Variants in CDH4 observed in about 807,000 individuals in gnomAD.
The protein encoded by CDH4 is cadherin 4.
A neutral mutation model predicts 86.0 loss-of-function variants in CDH4; 33 were observed. The observed-to-expected ratio is 0.38, with a 90% CI of 0.29 to 0.51. The LOEUF (loss-of-function observed/expected upper bound fraction) is 0.51, where lower values mean the gene tolerates loss of function less well. CDH4 is among the 20% of genes least tolerant of loss of function. The pLI, the probability that CDH4 is intolerant of heterozygous loss-of-function variation, is 0.86. For synonymous variants in CDH4, 555 were observed against 549.4 expected (o/e 1.01, Z -0.14); for missense variants, 1,114 against 1,307.4 (o/e 0.85, Z 2.28).
intron 4 of CDH4, among the ~76,000 whole-genome samples, chr20:61,827,113 C>T (rs183353403): frequency 5.3e-5 from 8 of 152,026 alleles, no homozygotes; most frequent in Admixed American, 2.6e-4. Context: ...AGCTGAACGT[C>T]TCAGAATAGA....
intron 2 of CDH4, among the ~76,000 whole-genome samples, chr20:61,427,830 G>A (rs1220602364): frequency 6.6e-6 from 1 of 152,042 alleles, no homozygotes; most frequent in Non-Finnish European, 1.5e-5. Flanking sequence ...GTTACCATAT[G>A]GTAGAGTGGC....
intron 2 of CDH4, among the ~76,000 whole-genome samples, chr20:61,520,935 T>TGCGGGGGTGCAGCTCC (rs1345639009): frequency 2.1e-4 from 32 of 152,176 alleles, no homozygotes; most frequent in Non-Finnish European, 3.5e-4. Flanking sequence ...AGTGCAGCTC[T>TGCGGGGGTGCAGCTCC]GCGGGGGTGC....
intron 2 of CDH4, among the ~76,000 whole-genome samples, chr20:61,707,815 G>A (rs1416516857): frequency 2.6e-5 from 4 of 152,182 alleles, no homozygotes; most frequent in Admixed American, 2.0e-4. Flanking sequence ...GTTCATGATC[G>A]TGAGACTCTG....
intron 2 of CDH4, among the ~76,000 whole-genome samples, chr20:61,261,998 C>T (rs769709355): frequency 7.9e-5 from 12 of 152,186 alleles, no homozygotes; most frequent in Non-Finnish European, 1.5e-5. Context: ...TAGACTCTGC[C>T]AGCGCTGGGG....
At chr20:61,795,020 G>T (rs1979447775) in intron 4 of CDH4, among the ~76,000 whole-genome samples, 1 of 149,736 alleles carries the variant, frequency 6.7e-6, no homozygotes, top group South Asian at 2.2e-4. Context: ...TGGTGATAAA[G>T]GTGGGAGTGG....
At chr20:61,923,385 G>T in intron 9 of CDH4, 66 bp from the exon 10 acceptor site, 1 of 1,545,098 alleles carries the variant, frequency 6.5e-7, no homozygotes, top group Non-Finnish European at 8.9e-7. Flanking sequence ...CTTCCCATGT[G>T]TCCCCCCATG....
rs1350223154 is a variant in CDH4 at position 61,938,497 on chromosome 20, G to C, written c.*1554G>C. 3 of 152,422 alleles carry C rather than the reference G, an allele frequency of 2.0e-5. No individual in the cohort carries two copies. Among genetic ancestry groups the C allele is most frequent in the Non-Finnish European group, 4.4e-5 (3 of 68,170 alleles). The allele number at this position is 152,422 out of a possible 1,614,324, so 9.4% of individuals were successfully genotyped here. A position where few individuals can be genotyped will look rare whatever the true frequency, so the allele number is the denominator to read the frequency against. The stretch of plus-strand genomic sequence containing the variant: ...GTCTCTCCCAGGCCAGTGACAACTG[G>C]CTTCCCGAGGAAGGAGGTGAGGTAC... On this transcript the variant is annotated 3_prime_UTR_variant, in exon 16 of 16. Transcript: ENST00000614565.
chr20:61,700,908 C>T (rs577801979), intron 2 of CDH4, among the ~76,000 whole-genome samples: 6 of 152,226 alleles, frequency 3.9e-5, no homozygotes, highest in Non-Finnish European at 7.3e-5. Context: ...GCGGCTCCCC[C>T]CTTTTTTGCA....
intron 2 of CDH4, among the ~76,000 whole-genome samples, chr20:61,413,570 C>T (rs1251052409): frequency 2.0e-5 from 3 of 152,316 alleles, no homozygotes; most frequent in Admixed American, 6.5e-5. Flanking sequence ...AACACACCCC[C>T]GCACAACTGC....
At chr20:61,441,153 T>A (rs6062037) in intron 2 of CDH4, among the ~76,000 whole-genome samples, 25,539 of 152,198 alleles carry the variant, frequency 0.17, 2,238 homozygotes, top group Non-Finnish European at 0.18. Flanking sequence ...ACGCAGAATC[T>A]CAGACTTGAA....
At chr20:61,613,010 G>A (rs759414574) in intron 2 of CDH4, among the ~76,000 whole-genome samples, 9 of 152,162 alleles carry the variant, frequency 5.9e-5, no homozygotes, top group East Asian at 1.9e-4. Context: ...CAGGAGGGCC[G>A]ATAAAGGTGT....
Position 61,690,595 on chromosome 20 carries a change from G to A in CDH4, c.170-52968G>A, listed in dbSNP as rs139204106. On this transcript the variant is annotated intron_variant, in intron 2 of 15. Transcript: ENST00000614565. The stretch of plus-strand genomic sequence containing the variant: ...TGGAGCAGGTCTGCTGCATGTCTCT[G>A]TTCCTGTTCGGAGTGCTCTGAGCGT... 9.2e-4 allele frequency among the ~76,000 whole-genome samples: 140 copies of A among 152,276 alleles called. 1 individual carries two copies. Among genetic ancestry groups the A allele is most frequent in the Middle Eastern group, 6.8e-3 (2 of 294 alleles).
chr20:61,863,143 G>A (rs939781480), intron 6 of CDH4, among the ~76,000 whole-genome samples: 10 of 152,180 alleles, frequency 6.6e-5, no homozygotes, highest in African/African-American at 1.9e-4. Context: ...CCTTTAAGGC[G>A]CATGGCAGCG....
intron 2 of CDH4, among the ~76,000 whole-genome samples, chr20:61,502,786 T>G (rs745900343): frequency 2.6e-5 from 4 of 152,228 alleles, no homozygotes; most frequent in Non-Finnish European, 5.9e-5. Flanking sequence ...CAGAACTAGC[T>G]TATTGCATAA....
At chr20:61,583,311 TG>T (rs531773443) in intron 2 of CDH4, among the ~76,000 whole-genome samples, 67 of 44,004 alleles carry the variant, frequency 1.5e-3, no homozygotes, top group African/African-American at 5.8e-3. Context: ...GAGGGCTCTG[TG>T]GGGGGACAGA....
chr20:61,734,167 G>A (rs377101893), intron 2 of CDH4, among the ~76,000 whole-genome samples: 8 of 152,360 alleles, frequency 5.3e-5, no homozygotes, highest in African/African-American at 1.2e-4. Flanking sequence ...CACTGCACCC[G>A]TCACTGCCGT....
At position 61,565,261 on chromosome 20, in the gene CDH4, T is replaced by C. The variant is rs1322088931; in HGVS notation, c.170-178302T>C. On this transcript the variant is annotated intron_variant, in intron 2 of 15. Coordinates refer to ENST00000614565, the MANE Select transcript of CDH4 (RefSeq NM_001794.5). Reference sequence around the variant, plus strand: ...GTGGTGGCGGTGCTCTTGGTGATGGTGGTGGTGGTCCTCTTGGTGATGGGG... The same window carrying C: ...GTGGTGGCGGTGCTCTTGGTGATGGCGGTGGTGGTCCTCTTGGTGATGGGG... Among the ~76,000 whole-genome samples, 276 of 80,386 alleles carry C rather than the reference T, an allele frequency of 3.4e-3. 30 individuals carry two copies. The highest frequency in any genetic ancestry group is 5.1e-3 in the Non-Finnish European group (187 of 36,660). 52.7% of individuals were successfully genotyped at this position (80,386 alleles called of 152,430 possible). A position where few individuals can be genotyped will look rare whatever the true frequency, so the allele number is the denominator to read the frequency against.
At chr20:61,614,979 C>T (rs1260736493) in intron 2 of CDH4, among the ~76,000 whole-genome samples, 1 of 152,114 alleles carries the variant, frequency 6.6e-6, no homozygotes, top group African/African-American at 2.4e-5. Context: ...GTGAATCCCA[C>T]CCACCCCAGA....
chr20:61,869,627 A>ATT (rs1255431755), intron 6 of CDH4, among the ~76,000 whole-genome samples: 1 of 152,074 alleles, frequency 6.6e-6, no homozygotes, highest in Non-Finnish European at 1.5e-5. Flanking sequence ...CATTCCACAC[A>ATT]TCCCACCTGG....
Sources: allele counts gnomAD v4.1 joint callset (sites outside exome capture counted in the v4.1 genomes callset), GRCh38; gene constraint gnomAD v4.1.1; transcripts MANE v1.5; gene names NCBI Gene and HGNC (gene_info 2026-07-23, HGNC 2026-07-21).